The following GAPDH variants were observed in gnomAD, a reference collection of about 807,000 sequenced individuals.
GAPDH encodes the protein glyceraldehyde-3-phosphate dehydrogenase.
A neutral mutation model predicts 31.2 loss-of-function variants in GAPDH; 13 were observed. The ratio of observed to expected loss-of-function variants is 0.42; its 90% CI spans 0.27 to 0.66. GAPDH has a LOEUF of 0.66. Ranked by LOEUF, GAPDH falls within the 30% of genes least tolerant of loss-of-function variation. The pLI, the probability that GAPDH is intolerant of heterozygous loss-of-function variation, is 0.26. For synonymous variants in GAPDH, 211 were observed against 166.9 expected (o/e 1.26, Z -2.04); for missense variants, 300 against 443.7 (o/e 0.68, Z 2.91).
Position 6,537,184 on chromosome 12 carries a change from T to C in GAPDH, c.411T>C (p.His137=), listed in dbSNP as rs1204019927. The change falls in exon 6 of 9, where the codon CAT becomes CAC. Residue 137 remains histidine (H), a synonymous_variant. Transcript: ENST00000229239. This position sits in a 1 kb window ranked among gnomAD's most constrained non-coding sequence, Gnocchi z 4.9. ...CCATGTTCGTCATGGGTGTGAACCA[T>C]GAGAAGTATGACAACAGCCTCAAGA... ...DAPMFVMGVN[H]EKYDNSLKII... The C allele has an allele frequency of 2.5e-6, 4 of 1,612,956 alleles. 1 individual carries two copies. The highest frequency in any genetic ancestry group is 3.4e-6 in the Non-Finnish European group (4 of 1,179,956).
In GAPDH at chr12:6,537,495, C is replaced by G; in HGVS notation, c.526-89C>G. 1.3e-6 allele frequency: 2 copies of G among 1,583,110 alleles called. No homozygotes were observed. Among genetic ancestry groups the G allele is most frequent in the Non-Finnish European group, 1.7e-6 (2 of 1,159,878 alleles). ...ACCCTGGGGTTGGGGGTTCTGGGGA[C>G]TGGCTTTCCCATAATTTCCTTTCAA... On this transcript the variant is annotated intron_variant, in intron 7 of 8. Transcript: ENST00000229239. The surrounding 1 kb of genome is among the most constrained non-coding windows in gnomAD (Gnocchi z 4.9).
At chr12:6,538,079 G>C (rs1365001826) in intron 8 of GAPDH, 22 bp from the exon 9 acceptor site, 2 of 1,599,052 alleles carry the variant, frequency 1.3e-6, no homozygotes, top group South Asian at 2.3e-5. Flanking sequence ...AAAGGGCCCT[G>C]ACAACTCTTT....
chr12:6,534,746 G>T, intron 1 of GAPDH, 64 bp from the exon 2 acceptor site: 1 of 1,401,090 alleles, frequency 7.1e-7, no homozygotes, highest in East Asian at 2.3e-5. Context: ...GGTGGGGGAG[G>T]GGAGGGGAGG....
At position 6,537,262 on chromosome 12, in the gene GAPDH, A is replaced by G. The variant is rs375046413; in HGVS notation, c.443+46A>G. On this transcript the variant is annotated intron_variant, in intron 6 of 8. Coordinates refer to ENST00000229239, the MANE Select transcript of GAPDH (RefSeq NM_002046.7). This position sits in a 1 kb window ranked among gnomAD's most constrained non-coding sequence, Gnocchi z 4.9. ...GGAGAAGCGGCCAGCCTGGCACCCT[A>G]TGGACACGCTCCCCTGACTTGCGCC... The G allele has an allele frequency of 9.4e-6, 15 of 1,596,666 alleles. No individual in the cohort carries two copies. The highest frequency in any genetic ancestry group is 1.3e-5 in the Non-Finnish European group (15 of 1,175,708).
chr12:6,538,367 A>T lies in GAPDH; in HGVS notation c.*197A>T. 3.4e-6 allele frequency: 2 copies of T among 592,976 alleles called. No homozygotes were observed. The highest frequency in any genetic ancestry group is 6.0e-6 in the Non-Finnish European group (2 of 331,906). 36.7% of individuals were successfully genotyped at this position (592,976 alleles called of 1,614,324 possible). On this transcript the variant is annotated 3_prime_UTR_variant, in exon 9 of 9. Transcript: ENST00000229239. The stretch of plus-strand genomic sequence containing the variant: ...ACCATCAATAAAGTACCCTGTGCTC[A>T]ACCAGTTACTTGTCCTGTCTTATTC...
intron 4 of GAPDH, 37 bp from the exon 5 acceptor site, chr12:6,536,883 A>G (rs1186573398): frequency 2.5e-6 from 4 of 1,594,094 alleles, no homozygotes; most frequent in Admixed American, 1.7e-5. Context: ...GTGTCCCTCA[A>G]TATGGTCCTG....
chr12:6,535,756 T>A (rs1946449504), intron 2 of GAPDH, among the ~76,000 whole-genome samples: 1 of 152,064 alleles, frequency 6.6e-6, no homozygotes, highest in South Asian at 2.1e-4. Flanking sequence ...AACCTGCCCT[T>A]CTCCCCATTC....
intron 2 of GAPDH, 98 bp downstream of exon 2, chr12:6,534,959 C>T (rs887048806): frequency 2.5e-5 from 34 of 1,336,844 alleles, no homozygotes; most frequent in African/African-American, 1.3e-4. Flanking sequence ...CGTATGGGGG[C>T]AGGGTAGCTG....
At chr12:6,535,168 C>G in intron 2 of GAPDH, 1 of 1,083,780 alleles carries the variant, frequency 9.2e-7, no homozygotes, top group Non-Finnish European at 1.2e-6. Context: ...TCTTTCCTTT[C>G]GCGCTCTGCG....
Position 6,536,952 on chromosome 12 carries a change from C to T in GAPDH, c.269C>T (p.Ala90Val), listed in dbSNP as rs1441686062. The change falls in exon 5 of 9, where the codon GCT (alanine) becomes GTT (valine). Residue 90 changes from alanine (A) to valine (V), a missense_variant. Coordinates refer to ENST00000229239, the MANE Select transcript of GAPDH (RefSeq NM_002046.7). The stretch of plus-strand genomic sequence containing the variant: ...CCCTCCAAAATCAAGTGGGGCGATG[C>T]TGGCGCTGAGTACGTCGTGGAGTCC... The part of the protein sequence containing the change: ...RDPSKIKWGD[A>V]GAEYVVESTG... 3.7e-6 allele frequency: 6 copies of T among 1,613,760 alleles called. No individual in the cohort carries two copies. The East Asian group carries it at 8.9e-5, about 24-fold the overall frequency.
At position 6,538,280 on chromosome 12, in the gene GAPDH, C is replaced by G. The variant is rs550296309; in HGVS notation, c.*110C>G. On this transcript the variant is annotated 3_prime_UTR_variant, in exon 9 of 9. Coordinates refer to ENST00000229239, the MANE Select transcript of GAPDH (RefSeq NM_002046.7). ...CCCACCACACTGAATCTCCCCTCCT[C>G]ACAGTTGCCATGTAGACCCCTTGAA... 32 of 908,870 alleles carry G rather than the reference C, an allele frequency of 3.5e-5. No homozygotes were observed. The highest frequency in any genetic ancestry group is 5.6e-5 in the Non-Finnish European group (32 of 569,520). The allele number at this position is 908,870 out of a possible 1,614,324, so 56.3% of individuals were successfully genotyped here. A position where few individuals can be genotyped will look rare whatever the true frequency, so the allele number is the denominator to read the frequency against.
Position 6,536,902 on chromosome 12 carries a change from T to G in GAPDH, c.237-18T>G. On this transcript the variant is annotated intron_variant, in intron 4 of 8. Transcript: ENST00000229239. The stretch of plus-strand genomic sequence containing the variant: ...CCCTCAATATGGTCCTGTCCCCATC[T>G]CCCCCCCACCCCCATAGGCGAGATC... 1.3e-6 allele frequency: 2 copies of G among 1,506,642 alleles called. No homozygotes were observed. The highest frequency in any genetic ancestry group is 1.8e-6 in the Non-Finnish European group (2 of 1,082,960). 93.3% of individuals were successfully genotyped at this position (1,506,642 alleles called of 1,614,324 possible).
chr12:6,535,518 G>C, intron 2 of GAPDH: 1 of 892,532 alleles, frequency 1.1e-6, no homozygotes, highest in Non-Finnish European at 1.3e-6. Flanking sequence ...TCCCCTCCCC[G>C]CAGAGGTGTG....
intron 2 of GAPDH, chr12:6,535,122 G>C: frequency 1.1e-6 from 1 of 884,998 alleles, no homozygotes; most frequent in Non-Finnish European, 1.6e-6. Flanking sequence ...ACTCCCGCCC[G>C]AGATCCCGAC....
Position 6,537,052 on chromosome 12 carries a change from C to T in GAPDH, c.327+42C>T. 6.2e-7 allele frequency: 1 copy of T among 1,607,378 alleles called. No homozygotes were observed. The highest frequency in any genetic ancestry group is 8.5e-7 in the Non-Finnish European group (1 of 1,176,438). On this transcript the variant is annotated intron_variant, in intron 5 of 8. Coordinates refer to ENST00000229239, the MANE Select transcript of GAPDH (RefSeq NM_002046.7). This position sits in a 1 kb window ranked among gnomAD's most constrained non-coding sequence, Gnocchi z 4.9. The stretch of plus-strand genomic sequence containing the variant: ...CCGCGGGAGGGGAAGCTGACTCAGC[C>T]CTGCAAAGGCAGGACCCGGGTTCAT...
chr12:6,535,977 A>G (rs1946455129), intron 2 of GAPDH, among the ~76,000 whole-genome samples: 1 of 152,210 alleles, frequency 6.6e-6, no homozygotes, highest in Non-Finnish European at 1.5e-5. Flanking sequence ...CTAGGGGGTT[A>G]AAATACAGCT....
chr12:6,537,182 C>T lies in GAPDH; in HGVS notation c.409C>T (p.His137Tyr). The T allele has an allele frequency of 6.2e-7, 1 of 1,613,226 alleles. No homozygotes were observed. Among genetic ancestry groups the T allele is most frequent in the Non-Finnish European group, 8.5e-7 (1 of 1,179,960 alleles). Residue 137 changes from histidine (H) to tyrosine (Y), a missense_variant, in exon 6 of 9, where the codon CAT becomes TAT. Coordinates refer to ENST00000229239, the MANE Select transcript of GAPDH (RefSeq NM_002046.7). The surrounding 1 kb of genome is among the most constrained non-coding windows in gnomAD (Gnocchi z 4.9). ...DAPMFVMGVNHEKYDNSLKII... is the reference protein window; with the variant it reads ...DAPMFVMGVNYEKYDNSLKII... Reference sequence around the variant, plus strand: ...CCCCATGTTCGTCATGGGTGTGAACCATGAGAAGTATGACAACAGCCTCAA... The same window carrying T: ...CCCCATGTTCGTCATGGGTGTGAACTATGAGAAGTATGACAACAGCCTCAA...
Position 6,537,269 on chromosome 12 carries a change from C to T in GAPDH, c.444-40C>T, listed in dbSNP as rs368328203. 2.1e-5 allele frequency: 34 copies of T among 1,597,014 alleles called. No individual in the cohort carries two copies. The highest frequency in any genetic ancestry group is 1.7e-4 in the Middle Eastern group (1 of 6,060). ...CGGCCAGCCTGGCACCCTATGGACA[C>T]GCTCCCCTGACTTGCGCCCCGCTCC... On this transcript the variant is annotated intron_variant, in intron 6 of 8. Coordinates refer to ENST00000229239, the MANE Select transcript of GAPDH (RefSeq NM_002046.7). This position sits in a 1 kb window ranked among gnomAD's most constrained non-coding sequence, Gnocchi z 4.9.
In GAPDH at chr12:6,537,906, CCT is replaced by C; in HGVS notation, c.851_852del (p.Ser284Ter). On this transcript the variant is annotated frameshift_variant, in exon 8 of 9. Coordinates refer to ENST00000229239, the MANE Select transcript of GAPDH (RefSeq NM_002046.7). LOFTEE classifies it high-confidence loss of function. The surrounding 1 kb of genome is among the most constrained non-coding windows in gnomAD (Gnocchi z 4.9). ...GGCTACACTGAGCACCAGGTGGTCT[CCT>C]CTGACTTCAACAGCGACACCCACTC... 1 of 1,614,074 alleles carries C rather than the reference CCT, an allele frequency of 6.2e-7. No homozygotes were observed. Among genetic ancestry groups the C allele is most frequent in the Non-Finnish European group, 8.5e-7 (1 of 1,180,054 alleles).
Sources: allele counts gnomAD v4.1 joint callset (sites outside exome capture counted in the v4.1 genomes callset), GRCh38; gene constraint gnomAD v4.1.1; non-coding constraint Gnocchi (gnomAD v3.1); transcripts MANE v1.5; gene names NCBI Gene and HGNC (gene_info 2026-07-23, HGNC 2026-07-21).